The following IKBKE variants were observed in gnomAD, a reference collection of about 807,000 sequenced individuals.
IKBKE encodes inhibitor of nuclear factor kappa B kinase subunit epsilon.
Under a neutral mutation model 92.1 loss-of-function variants are expected in IKBKE, and 45 were observed. The observed-to-expected ratio is 0.49, with a 90% CI of 0.38 to 0.63. The LOEUF (loss-of-function observed/expected upper bound fraction) is 0.63, where lower values mean the gene tolerates loss of function less well. IKBKE is among the 20% of genes least tolerant of loss of function. The probability of loss-of-function intolerance (pLI) is 0.00; values close to 1 mark genes in which losing one functional copy is unlikely to be tolerated. For missense variants in IKBKE, 700 were observed against 932.8 expected (o/e 0.75, Z 3.25); for synonymous variants, 374 against 380.3 (o/e 0.98, Z 0.19).
Position 206,496,548 on chromosome 1 carries a change from C to T in IKBKE, c.*403C>T, listed in dbSNP as rs1195409182. 5 of 266,842 alleles carry T rather than the reference C, an allele frequency of 1.9e-5. No individual in the cohort carries two copies. In the Admixed American group the frequency reaches 2.1e-4, roughly 11 times the overall value. 16.5% of individuals were successfully genotyped at this position (266,842 alleles called of 1,614,324 possible). A position where few individuals can be genotyped will look rare whatever the true frequency, so the allele number is the denominator to read the frequency against. On this transcript the variant is annotated 3_prime_UTR_variant, in exon 22 of 22. Transcript: ENST00000581977. ...GGAGAGGAGGCCTCCTGGGGTTTCC[C>T]CAGGGCAGTAGGTCAAACGACCTCA...
chr1:206,473,393 C>T (rs1664883510), intron 3 of IKBKE, 79 bp downstream of exon 3: 1 of 1,035,436 alleles, frequency 9.7e-7, no homozygotes, highest in Non-Finnish European at 1.4e-6. Context: ...CAGTCAGCCC[C>T]CAGTGGGCAT....
rs202057912 is a variant in IKBKE, at chr1:206,476,326, G to T, written c.504G>T (p.Glu168Asp). Residue 168 changes from glutamate to aspartate, a missense_variant, in exon 6 of 22, where the codon GAG becomes GAT. Coordinates refer to ENST00000581977, the MANE Select transcript of IKBKE (RefSeq NM_014002.4). This position sits in a 1 kb window ranked among gnomAD's most constrained non-coding sequence, Gnocchi z 5.1. ...FGAARELDDD[E>D]KFVSVYGTEE... Reference sequence around the variant, plus strand: ...CTGCCCGGGAGCTGGATGATGATGAGAAGTTCGTCTCGGTCTATGGGACTG... The same window carrying T: ...CTGCCCGGGAGCTGGATGATGATGATAAGTTCGTCTCGGTCTATGGGACTG... The T allele has an allele frequency of 2.1e-5, 34 of 1,613,922 alleles. No individual in the cohort carries two copies. Among genetic ancestry groups the T allele is most frequent in the East Asian group, 1.6e-4 (7 of 44,870 alleles).
chr1:206,480,648 C>A, intron 13 of IKBKE, 115 bp downstream of exon 13: 2 of 788,026 alleles, frequency 2.5e-6, no homozygotes, highest in South Asian at 1.5e-5. Context: ...ACTGCCTTCC[C>A]TGCCCTCCTA....
intron 5 of IKBKE, among the ~76,000 whole-genome samples, chr1:206,475,825 A>G (rs1553385121): frequency 6.6e-6 from 1 of 152,096 alleles, no homozygotes; most frequent in Non-Finnish European, 1.5e-5. Flanking sequence ...CTTAGTGCCA[A>G]TGAAGTGTAC....
At chr1:206,493,515 C>T (rs782298139) in intron 20 of IKBKE, 137 bp downstream of exon 20, 67 of 641,934 alleles carry the variant, frequency 1.0e-4, no homozygotes, top group Non-Finnish European at 1.2e-4. Context: ...TAGCTGGGTG[C>T]GGTGGCTCAC....
chr1:206,485,413 T>C lies in IKBKE; in HGVS notation c.1616+107T>C, dbSNP rs1369082987. 18 of 700,088 alleles carry C rather than the reference T, an allele frequency of 2.6e-5. No individual in the cohort carries two copies. Among genetic ancestry groups the C allele is most frequent in the Non-Finnish European group, 4.7e-5 (18 of 385,924 alleles). 43.4% of individuals were successfully genotyped at this position (700,088 alleles called of 1,614,324 possible). On this transcript the variant is annotated intron_variant, in intron 15 of 21. Transcript: ENST00000581977. This position sits in a 1 kb window ranked among gnomAD's most constrained non-coding sequence, Gnocchi z 5.0. ...ACGTCAGCTTGCATTCCCCTTTCTC[T>C]TGGCAAGGGTGCTAGGGCATGGGGG...
At chr1:206,481,899 C>A (rs1665416019) in intron 13 of IKBKE, among the ~76,000 whole-genome samples, 1 of 150,796 alleles carries the variant, frequency 6.6e-6, no homozygotes, top group Non-Finnish European at 1.5e-5. Context: ...CCTGCCTCAG[C>A]CTCCCAAGTA....
intron 20 of IKBKE, 106 bp from the exon 21 acceptor site, chr1:206,493,814 G>A (rs1048430895): frequency 4.5e-5 from 35 of 784,244 alleles, no homozygotes; most frequent in Non-Finnish European, 6.4e-5. Context: ...AAAGAATAAA[G>A]AGGCTTCTTT....
At chr1:206,475,337 T>C (rs1665000695) in intron 5 of IKBKE, among the ~76,000 whole-genome samples, 2 of 152,214 alleles carry the variant, frequency 1.3e-5, no homozygotes, top group South Asian at 4.1e-4. Flanking sequence ...ACAAATCCTG[T>C]ATGATTCCAC....
chr1:206,496,611 A>C lies in IKBKE; in HGVS notation c.*466A>C, dbSNP rs1666254679. 2 of 239,748 alleles carry C rather than the reference A, an allele frequency of 8.3e-6. No individual in the cohort carries two copies. The highest frequency in any genetic ancestry group is 1.6e-5 in the Non-Finnish European group (2 of 122,294). 14.9% of individuals were successfully genotyped at this position (239,748 alleles called of 1,614,324 possible). Reference sequence around the variant, plus strand: ...TTCCTCTTCAAGCGTTTCATGTTGAACACAGCTCTCTCCGCTCCCTTGTGA... The same window carrying C: ...TTCCTCTTCAAGCGTTTCATGTTGACCACAGCTCTCTCCGCTCCCTTGTGA... On this transcript the variant is annotated 3_prime_UTR_variant, in exon 22 of 22. Transcript: ENST00000581977.
chr1:206,494,009 T>G lies in IKBKE; in HGVS notation c.2117+18T>G. On this transcript the variant is annotated intron_variant, in intron 21 of 21. Transcript: ENST00000581977. ...ATCGAACGGTAAGGAGCTTTCACCT[T>G]GTGTAGGTCAGGGCCGGGTCTTCAA... 3 of 1,611,330 alleles carry G rather than the reference T, an allele frequency of 1.9e-6. No individual in the cohort carries two copies. Among genetic ancestry groups the G allele is most frequent in the Non-Finnish European group, 2.5e-6 (3 of 1,177,556 alleles).
intron 21 of IKBKE, among the ~76,000 whole-genome samples, chr1:206,495,139 G>A (rs1553391811): frequency 8.6e-5 from 13 of 151,986 alleles, no homozygotes; most frequent in Non-Finnish European, 1.9e-4. Context: ...ACACGTGCAC[G>A]CATCTCCCAC....
At chr1:206,482,397 G>A (rs1188209823) in intron 13 of IKBKE, among the ~76,000 whole-genome samples, 1 of 152,212 alleles carries the variant, frequency 6.6e-6, no homozygotes, top group African/African-American at 2.4e-5. Context: ...CTTTTTGGGT[G>A]TCTGTCTGCC....
Position 206,474,985 on chromosome 1 carries a change from C to T in IKBKE, c.349C>T (p.Arg117Cys), listed in dbSNP as rs782549877. The change falls in exon 5 of 22, where the codon CGC becomes TGC. Residue 117 changes from arginine to cysteine, a missense_variant. Arg to Cys is a radical substitution (Grantham distance 180, BLOSUM62 -3). Transcript: ENST00000581977. ...TGAGGATGAGTTCCTGGTGGTGCTGCGCTGTGTGGGTGAGCCCCTCCCTGT... is the reference window on the plus strand; with the variant it reads ...TGAGGATGAGTTCCTGGTGGTGCTGTGCTGTGTGGGTGAGCCCCTCCCTGT... Reference protein sequence around the residue: ...LPEDEFLVVLRCVVAGMNHLR... With the variant: ...LPEDEFLVVLCCVVAGMNHLR... 5.0e-6 allele frequency: 8 copies of T among 1,613,854 alleles called. No individual in the cohort carries two copies. Among genetic ancestry groups the T allele is most frequent in the South Asian group, 3.3e-5 (3 of 91,052 alleles).
intron 10 of IKBKE, 131 bp from the exon 11 acceptor site, chr1:206,479,739 G>GT: frequency 1.0e-6 from 1 of 968,084 alleles, no homozygotes; most frequent in Non-Finnish European, 1.6e-6. Context: ...CAAGGTGGGA[G>GT]GCTCAGGGTG....
rs923453453 is a variant in IKBKE, at chr1:206,478,610, C to T, written c.992+271C>T. Reference sequence around the variant, plus strand: ...CGTGGTGTATGTTGGCTGTACATTTCGTAAAGGTACTGCTCATAGTACCCT... The same window carrying T: ...CGTGGTGTATGTTGGCTGTACATTTTGTAAAGGTACTGCTCATAGTACCCT... On this transcript the variant is annotated intron_variant, in intron 9 of 21. Coordinates refer to ENST00000581977, the MANE Select transcript of IKBKE (RefSeq NM_014002.4). The surrounding 1 kb of genome is among the most constrained non-coding windows in gnomAD (Gnocchi z 4.8). 6.6e-6 allele frequency among the ~76,000 whole-genome samples: 1 copy of T among 152,122 alleles called. No individual in the cohort carries two copies. Among genetic ancestry groups the T allele is most frequent in the African/African-American group, 2.4e-5 (1 of 41,422 alleles).
In IKBKE at chr1:206,496,227, C is replaced by A; in HGVS notation, c.*82C>A. ...TCTGCACCATGAGACCAACCCAGGG[C>A]AAGATCCCATCCCATCACATCAGCC... On this transcript the variant is annotated 3_prime_UTR_variant, in exon 22 of 22. Transcript: ENST00000581977. 1 of 1,170,180 alleles carries A rather than the reference C, an allele frequency of 8.5e-7. No individual in the cohort carries two copies. The highest frequency in any genetic ancestry group is 1.3e-6 in the Non-Finnish European group (1 of 775,448). The allele number at this position is 1,170,180 out of a possible 1,614,324, so 72.5% of individuals were successfully genotyped here.
chr1:206,476,885 T>C lies in IKBKE; in HGVS notation c.701+47T>C, dbSNP rs1553385522. The C allele has an allele frequency of 1.2e-6, 2 of 1,601,988 alleles. No individual in the cohort carries two copies. The highest frequency in any genetic ancestry group is 1.7e-6 in the Non-Finnish European group (2 of 1,170,184). On this transcript the variant is annotated intron_variant, in intron 7 of 21. Transcript: ENST00000581977. The surrounding 1 kb of genome is among the most constrained non-coding windows in gnomAD (Gnocchi z 5.1). ...GGAATGGGGCGGACTGGCAGTCCCC[T>C]GGCCCTTCCCCCACCGGTCCTTGCT...
chr1:206,489,975 G>A (rs558475793), intron 16 of IKBKE, among the ~76,000 whole-genome samples: 2 of 152,138 alleles, frequency 1.3e-5, no homozygotes, highest in East Asian at 1.9e-4. Context: ...AGGCTCTCTC[G>A]CATGAGCCTC....
Sources: allele counts gnomAD v4.1 joint callset (sites outside exome capture counted in the v4.1 genomes callset), GRCh38; gene constraint gnomAD v4.1.1; non-coding constraint Gnocchi (gnomAD v3.1); transcripts MANE v1.5; gene names NCBI Gene and HGNC (gene_info 2026-07-23, HGNC 2026-07-21).